Variants in CDK8 observed in about 807,000 individuals in gnomAD.
CDK8 encodes cyclin-dependent kinase 8.
CDK8 carries 29 observed loss-of-function variants against 71.5 expected under a neutral mutation model. The observed-to-expected ratio is 0.41, with a 90% confidence interval of 0.30 to 0.55. The LOEUF (loss-of-function observed/expected upper bound fraction) is 0.55, where lower values mean the gene tolerates loss of function less well. Ranked by LOEUF, CDK8 falls within the 20% of genes least tolerant of loss-of-function variation. The pLI is 0.37. For synonymous variants in CDK8, 161 were observed against 192.1 expected (o/e 0.84, Z 1.34); for missense variants, 288 against 572.6 (o/e 0.50, Z 5.07).
In CDK8 at chr13:26,401,634, G is replaced by T; in HGVS notation, c.1269+10G>T. On this transcript the variant is annotated intron_variant, in intron 12 of 12. Transcript: ENST00000381527. This position sits in a 1 kb window ranked among gnomAD's most constrained non-coding sequence, Gnocchi z 4.5. ...GACCTCAGACTATCAGGTATTCCAA[G>T]TTTATTTTGTATTGACTGCATGTCA... 6.2e-7 allele frequency: 1 copy of T among 1,613,620 alleles called. No homozygotes were observed. Among genetic ancestry groups the T allele is most frequent in the Non-Finnish European group, 8.5e-7 (1 of 1,179,620 alleles).
chr13:26,367,570 G>C (rs1874450730), intron 4 of CDK8, among the ~76,000 whole-genome samples: 1 of 152,116 alleles, frequency 6.6e-6, no homozygotes, highest in Admixed American at 6.5e-5. Context: ...TTTGGGTAGA[G>C]ATTGATGTGA....
intron 1 of CDK8, among the ~76,000 whole-genome samples, chr13:26,285,826 C>G (rs1872989571): frequency 6.6e-6 from 1 of 152,134 alleles, no homozygotes; most frequent in Admixed American, 6.5e-5. Context: ...AAATCAGAAG[C>G]ATTGCTAAAC....
At position 26,336,550 on chromosome 13, in the gene CDK8, C is replaced by CTTT. The variant is rs1227344754; in HGVS notation, c.129-998_129-996dup. Among the ~76,000 whole-genome samples, 112 of 121,162 alleles carry CTTT rather than the reference C, an allele frequency of 9.2e-4. 2 individuals carry two copies. Among genetic ancestry groups the CTTT allele is most frequent in the African/African-American group, 2.5e-3 (77 of 31,098 alleles). 79.5% of individuals were successfully genotyped at this position (121,162 alleles called of 152,430 possible). ...TCAGATGGCATTTTCTCTGAGGAGT[C>CTTT]TTTTTTTTTTTTTTTTTTTTTGAGA... On this transcript the variant is annotated intron_variant, in intron 1 of 12. Transcript: ENST00000381527.
At chr13:26,283,709 C>A (rs917297018) in intron 1 of CDK8, among the ~76,000 whole-genome samples, 1 of 151,942 alleles carries the variant, frequency 6.6e-6, no homozygotes, top group Non-Finnish European at 1.5e-5. Flanking sequence ...ACCAGCCTGG[C>A]CAATTTGGTG....
intron 4 of CDK8, among the ~76,000 whole-genome samples, chr13:26,356,013 T>A (rs1324377814): frequency 6.6e-6 from 1 of 152,198 alleles, no homozygotes; most frequent in Non-Finnish European, 1.5e-5. Context: ...GAGTTTCTTT[T>A]ATCTCTCTTA....
chr13:26,380,127 A>G (rs1875145648), intron 4 of CDK8, among the ~76,000 whole-genome samples: 1 of 152,218 alleles, frequency 6.6e-6, no homozygotes. Context: ...TCCCATCACA[A>G]GGACTGGACC....
At chr13:26,398,056 T>A (rs1184731776) in intron 9 of CDK8, among the ~76,000 whole-genome samples, 1 of 150,848 alleles carries the variant, frequency 6.6e-6, no homozygotes, top group Non-Finnish European at 1.5e-5. Flanking sequence ...ACATTTCTTC[T>A]GTTCTTCCTT....
At chr13:26,329,960 T>C (rs972832742) in intron 1 of CDK8, among the ~76,000 whole-genome samples, 1 of 152,202 alleles carries the variant, frequency 6.6e-6, no homozygotes, top group Non-Finnish European at 1.5e-5. Flanking sequence ...ATATACTGTT[T>C]CCACTTCCTG....
chr13:26,321,347 A>G (rs1034284665), intron 1 of CDK8, among the ~76,000 whole-genome samples: 1 of 152,150 alleles, frequency 6.6e-6, no homozygotes, highest in Non-Finnish European at 1.5e-5. Context: ...GATCATAGAG[A>G]CAGAAAGTGG....
chr13:26,397,869 A>G (rs574395385), intron 9 of CDK8, among the ~76,000 whole-genome samples: 3 of 152,302 alleles, frequency 2.0e-5, no homozygotes, highest in Admixed American at 2.0e-4. Context: ...GTAATAATTA[A>G]TAATGTTTTT....
At chr13:26,268,342 G>T (rs1032996654) in intron 1 of CDK8, among the ~76,000 whole-genome samples, 7 of 148,386 alleles carry the variant, frequency 4.7e-5, no homozygotes, top group South Asian at 2.1e-4. Flanking sequence ...TTGAGACAAG[G>T]TCTTGTTCTG....
intron 1 of CDK8, among the ~76,000 whole-genome samples, chr13:26,260,412 C>T (rs9581602): frequency 0.11 from 16,456 of 152,132 alleles, 2,635 homozygotes; most frequent in African/African-American, 0.35. Flanking sequence ...TGATTTAAGA[C>T]TCTCTCATGT....
At chr13:26,342,191 G>T in intron 2 of CDK8, among the ~76,000 whole-genome samples, 1 of 152,214 alleles carries the variant, frequency 6.6e-6, no homozygotes, top group Admixed American at 6.5e-5. Context: ...GGGATTACAG[G>T]CGGCAGCCAC....
chr13:26,278,890 A>G (rs764747457), intron 1 of CDK8, among the ~76,000 whole-genome samples: 6 of 152,232 alleles, frequency 3.9e-5, no homozygotes, highest in Admixed American at 1.3e-4. Flanking sequence ...CCTAAACAAC[A>G]TAACAATTAT....
At chr13:26,345,051 C>T (rs570897086) in intron 2 of CDK8, among the ~76,000 whole-genome samples, 68 of 152,130 alleles carry the variant, frequency 4.5e-4, no homozygotes, top group Admixed American at 1.1e-3. Context: ...ACCACACACA[C>T]GAGTAATGCA....
chr13:26,258,717 G>A (rs1452266065), intron 1 of CDK8, among the ~76,000 whole-genome samples: 1 of 152,050 alleles, frequency 6.6e-6, no homozygotes, highest in African/African-American at 2.4e-5. Context: ...ATTATGATTT[G>A]AGGAAGTAAA....
At chr13:26,397,109 A>T in intron 8 of CDK8, 44 bp from the exon 9 acceptor site, 1 of 1,110,696 alleles carries the variant, frequency 9.0e-7, no homozygotes, top group Non-Finnish European at 1.4e-6. Flanking sequence ...ATGTACAATT[A>T]ACCTCAAGTC....
intron 4 of CDK8, among the ~76,000 whole-genome samples, chr13:26,359,267 A>G (rs1045666647): frequency 4.2e-5 from 1 of 23,734 alleles, no homozygotes; most frequent in Non-Finnish European, 8.9e-5. Context: ...AGAGTATGAA[A>G]AGAGTTTGGA....
At chr13:26,384,969 C>A (rs1014257458) in intron 5 of CDK8, among the ~76,000 whole-genome samples, 1 of 152,152 alleles carries the variant, frequency 6.6e-6, no homozygotes. Flanking sequence ...CAAGGTCACC[C>A]CTGACCTCAG....
Sources: allele counts gnomAD v4.1 joint callset (sites outside exome capture counted in the v4.1 genomes callset), GRCh38; gene constraint gnomAD v4.1.1; non-coding constraint Gnocchi (gnomAD v3.1); transcripts MANE v1.5; gene names NCBI Gene and HGNC (gene_info 2026-07-23, HGNC 2026-07-21).